Variants in MYBPC1 observed in about 807,000 individuals in gnomAD.
MYBPC1 encodes myosin-binding protein C, slow-type.
In MYBPC1, 52 loss-of-function variants were observed where a neutral mutation model predicts 147.1. The observed-to-expected ratio is 0.35, with a 90% CI of 0.28 to 0.45. The LOEUF is 0.45. Ranked by LOEUF, MYBPC1 falls within the 20% of genes least tolerant of loss-of-function variation. The pLI is 1.00. For missense variants in MYBPC1, 1,228 were observed against 1,440.3 expected, an observed-to-expected ratio of 0.85 and a Z score of 2.39; for synonymous variants, 477 against 475.9, an observed-to-expected ratio of 1.00 and a Z score of -0.03.
downstream of MYBPC1, among the ~76,000 whole-genome samples, chr12:101,687,408 A>AT (rs1290315712): frequency 1.3e-5 from 2 of 152,046 alleles, no homozygotes; most frequent in Admixed American, 6.6e-5. Context: ...TGAACTCATC[A>AT]TTTTTTATGG....
intron 20 of MYBPC1, 150 bp from the exon 21 acceptor site, chr12:101,662,208 A>G: frequency 1.5e-6 from 1 of 652,290 alleles, no homozygotes; most frequent in South Asian, 1.9e-5. Context: ...TTCTCTTGGA[A>G]TAAGATAGGT....
At chr12:101,661,522 C>T (rs1896546464) in intron 20 of MYBPC1, among the ~76,000 whole-genome samples, 1 of 152,054 alleles carries the variant, frequency 6.6e-6, no homozygotes, top group Non-Finnish European at 1.5e-5. Context: ...CAACTATAAG[C>T]CCAACTTCCA....
At chr12:101,604,409 A>G (rs985026381) in intron 1 of MYBPC1, among the ~76,000 whole-genome samples, 2 of 152,354 alleles carry the variant, frequency 1.3e-5, no homozygotes, top group African/African-American at 4.8e-5. Context: ...AGAACATTAG[A>G]GTACAGTACA....
intron 22 of MYBPC1, chr12:101,666,744 G>T: frequency 3.1e-6 from 5 of 1,613,322 alleles, no homozygotes; most frequent in Non-Finnish European, 4.2e-6. Context: ...ATTCTCAAAG[G>T]TACATCAGCA....
intron 1 of MYBPC1, among the ~76,000 whole-genome samples, chr12:101,603,804 G>A (rs1881097833): frequency 6.6e-6 from 1 of 152,160 alleles, no homozygotes; most frequent in South Asian, 2.1e-4. Context: ...GGATGTGGTG[G>A]TGTACACCTG....
chr12:101,673,669 G>T, intron 25 of MYBPC1, 47 bp downstream of exon 25: 1 of 1,598,944 alleles, frequency 6.3e-7, no homozygotes, highest in South Asian at 1.1e-5. Context: ...AGCAGTACAG[G>T]GATGAATTGT....
intron 25 of MYBPC1, 26 bp downstream of exon 25, chr12:101,673,648 A>G: frequency 1.2e-6 from 2 of 1,613,156 alleles, no homozygotes; most frequent in Non-Finnish European, 1.7e-6. Flanking sequence ...GGAGCCAGAA[A>G]GTTCTGTCAA....
intron 1 of MYBPC1, among the ~76,000 whole-genome samples, chr12:101,598,633 G>A (rs1006601041): frequency 2.6e-5 from 4 of 152,024 alleles, no homozygotes; most frequent in African/African-American, 9.7e-5. Flanking sequence ...GAATGCAGTG[G>A]TGCAATCATG....
At chr12:101,615,291 G>A (rs7963722) in intron 2 of MYBPC1, among the ~76,000 whole-genome samples, 2 of 151,950 alleles carry the variant, frequency 1.3e-5, no homozygotes, top group African/African-American at 4.8e-5. Flanking sequence ...CAGCCAAATA[G>A]CCCCAAGATG....
chr12:101,632,673 T>G (rs1226443265), intron 8 of MYBPC1, among the ~76,000 whole-genome samples: 2 of 152,194 alleles, frequency 1.3e-5, no homozygotes, highest in Admixed American at 1.3e-4. Flanking sequence ...GCAGCAAATA[T>G]TATAAACTTA....
intron 22 of MYBPC1, chr12:101,666,648 C>T: frequency 3.4e-6 from 4 of 1,190,354 alleles, no homozygotes; most frequent in Non-Finnish European, 5.0e-6. Context: ...GCACACTTTG[C>T]ATACTTTACT....
At chr12:101,608,821 T>C (rs1006126944) in intron 1 of MYBPC1, among the ~76,000 whole-genome samples, 7 of 152,138 alleles carry the variant, frequency 4.6e-5, no homozygotes, top group Non-Finnish European at 1.0e-4. Flanking sequence ...AGACATGTGT[T>C]GACAGTAAGA....
chr12:101,609,221 T>C (rs998937260), intron 1 of MYBPC1, among the ~76,000 whole-genome samples: 1 of 152,068 alleles, frequency 6.6e-6, no homozygotes, highest in Non-Finnish European at 1.5e-5. Context: ...TTACTCAAAG[T>C]GTGGGTTGTG....
intron 3 of MYBPC1, among the ~76,000 whole-genome samples, chr12:101,620,585 CT>C (rs1477451687): frequency 1.3e-5 from 2 of 151,488 alleles, no homozygotes; most frequent in Non-Finnish European, 3.0e-5. Context: ...TGGGATCATA[CT>C]TTTTTTTTGT....
At chr12:101,597,780 T>G (rs1877949945) in intron 1 of MYBPC1, among the ~76,000 whole-genome samples, 1 of 152,218 alleles carries the variant, frequency 6.6e-6, no homozygotes, top group African/African-American at 2.4e-5. Context: ...TTATTTGTAC[T>G]GTCTATTCCA....
chr12:101,614,347 A>AG, intron 1 of MYBPC1, 149 bp from the exon 2 acceptor site: 1 of 766,368 alleles, frequency 1.3e-6, no homozygotes, highest in Non-Finnish European at 2.3e-6. Context: ...AGAGAGAGAG[A>AG]AGAGAGAATG....
At chr12:101,654,132 G>A (rs1465491439) in intron 18 of MYBPC1, among the ~76,000 whole-genome samples, 2 of 152,220 alleles carry the variant, frequency 1.3e-5, no homozygotes, top group East Asian at 3.9e-4. Flanking sequence ...GCTGGAACCC[G>A]GGAGGCAGAG....
At chr12:101,627,897 T>A in intron 5 of MYBPC1, 93 bp downstream of exon 5, 1 of 1,398,146 alleles carries the variant, frequency 7.2e-7, no homozygotes, top group Non-Finnish European at 1.0e-6. Flanking sequence ...CTAATCCTTG[T>A]CTTATTCAGA....
At position 101,631,639 on chromosome 12, in the gene MYBPC1, T is replaced by C; in HGVS notation, c.358T>C (p.Phe120Leu). The C allele has an allele frequency of 6.2e-7, 1 of 1,614,152 alleles. No individual in the cohort carries two copies. Among genetic ancestry groups the C allele is most frequent in the Non-Finnish European group, 8.5e-7 (1 of 1,180,028 alleles). The part of the protein sequence containing the change: ...DLLRKPTIKW[F>L]KGKWMDLASK... Reference sequence around the variant, plus strand: ...TCTGAGAAAACCCACTATCAAATGGTTCAAAGGAAAATGGATGGACCTGGC... The same window carrying C: ...TCTGAGAAAACCCACTATCAAATGGCTCAAAGGAAAATGGATGGACCTGGC... Residue 120 changes from phenylalanine to leucine, a missense_variant, in exon 7 of 32, where the codon TTC (phenylalanine) becomes CTC (leucine). Phe to Leu is a conservative substitution (Grantham distance 22). Coordinates refer to ENST00000361466, the MANE Select transcript of MYBPC1 (RefSeq NM_002465.4).
Sources: gnomAD v4.1 joint callset for allele counts (sites outside exome capture counted in the v4.1 genomes callset) on GRCh38, gnomAD v4.1.1 for gene constraint, MANE v1.5 for transcripts, NCBI Gene and HGNC (gene_info 2026-07-23, HGNC 2026-07-21) for gene names.